The following STK33 variants were observed in gnomAD, a reference collection of about 807,000 sequenced individuals.
STK33 encodes serine/threonine kinase 33.
STK33 carries 52 observed loss-of-function variants against 58.0 expected under a neutral mutation model. The ratio of observed to expected loss-of-function variants is 0.90; its 90% CI spans 0.72 to 1.13. The LOEUF is 1.13. STK33 is among the 50% of genes most tolerant of loss of function. The pLI is 0.00. For missense variants in STK33, 630 were observed against 604.2 expected, an observed-to-expected ratio of 1.04 and a Z score of -0.45; for synonymous variants, 215 against 200.1, an observed-to-expected ratio of 1.07 and a Z score of -0.63.
chr11:8,357,676 C>T, the STK33 span, among the ~76,000 whole-genome samples: 1 of 152,126 alleles, frequency 6.6e-6, no homozygotes, highest in African/African-American at 2.4e-5. Flanking sequence ...CCCTCACACC[C>T]CTCCCCACTA....
chr11:8,412,701 C>T (rs1199217149), intron 15 of STK33, among the ~76,000 whole-genome samples: 1 of 152,164 alleles, frequency 6.6e-6, no homozygotes, highest in Non-Finnish European at 1.5e-5. Context: ...TCCCTGCTGG[C>T]AGGATGCTCA....
chr11:8,478,764 A>T (rs1417603254), intron 2 of STK33, among the ~76,000 whole-genome samples: 1 of 151,930 alleles, frequency 6.6e-6, no homozygotes, highest in Non-Finnish European at 1.5e-5. Flanking sequence ...AAAAAAACTT[A>T]CGAATTGTCT....
At chr11:8,435,380 C>T (rs1943939006) in intron 14 of STK33, 114 bp downstream of exon 14, 1 of 526,020 alleles carries the variant, frequency 1.9e-6, no homozygotes, top group Non-Finnish European at 3.0e-6. Context: ...TTTAATTTGA[C>T]AGAAAATCAA....
chr11:8,468,553 T>C (rs1284534803), intron 6 of STK33, among the ~76,000 whole-genome samples: 2 of 152,240 alleles, frequency 1.3e-5, no homozygotes, highest in African/African-American at 2.4e-5. Context: ...CATGTATGCA[T>C]TGGTCCTCAA....
chr11:8,442,652 C>T (rs1019358548), intron 11 of STK33, among the ~76,000 whole-genome samples: 6 of 152,178 alleles, frequency 3.9e-5, no homozygotes, highest in African/African-American at 1.4e-4. Context: ...TAACTACAGA[C>T]CAGATGTCTT....
At chr11:8,441,202 A>C (rs1944696845) in intron 11 of STK33, among the ~76,000 whole-genome samples, 1 of 152,216 alleles carries the variant, frequency 6.6e-6, no homozygotes, top group Non-Finnish European at 1.5e-5. Flanking sequence ...TAAAATAATA[A>C]TAGCATCACT....
rs748009822 is a variant in STK33 at position 8,461,879 on chromosome 11, G to A, written c.484C>T (p.Arg162Ter). The A allele has an allele frequency of 1.2e-5, 19 of 1,598,040 alleles. No individual in the cohort carries two copies. The highest frequency in any genetic ancestry group is 4.1e-5 in the African/African-American group (3 of 74,026). The change falls in exon 8 of 16, where the codon CGA becomes TGA. Residue 162 changes from arginine to a stop codon, truncating the protein, a stop_gained. Coordinates refer to ENST00000687296, the MANE Select transcript of STK33 (RefSeq NM_001352389.2). LOFTEE classifies it high-confidence loss of function. ...AGSSAVKLLE[R>*]EVNILKSVKH... Reference sequence around the variant, plus strand: ...ACACTTTTCAGAATGTTCACCTCTCGTTCAAGTAACTTCACAGCAGAGCTT... The same window carrying A: ...ACACTTTTCAGAATGTTCACCTCTCATTCAAGTAACTTCACAGCAGAGCTT...
chr11:8,574,813 A>T (rs951691942), intron 1 of STK33, among the ~76,000 whole-genome samples: 13 of 151,996 alleles, frequency 8.6e-5, no homozygotes, highest in African/African-American at 2.9e-4. Context: ...CCAGGCCAGG[A>T]GAATTGCCTG....
chr11:8,426,040 AC>A (rs200971810), intron 14 of STK33, among the ~76,000 whole-genome samples: 42 of 148,002 alleles, frequency 2.8e-4, no homozygotes, highest in South Asian at 6.5e-4. Context: ...GCTCAATTAG[AC>A]CCCCTGCCTC....
intron 1 of STK33, among the ~76,000 whole-genome samples, chr11:8,510,811 A>G (rs1194604491): frequency 6.6e-6 from 1 of 152,070 alleles, no homozygotes; most frequent in Non-Finnish European, 1.5e-5. Context: ...TCAGTTGGCT[A>G]TAAGTGTTTG....
chr11:8,489,071 C>A (rs1244803371), intron 1 of STK33, among the ~76,000 whole-genome samples: 2 of 151,868 alleles, frequency 1.3e-5, no homozygotes, highest in African/African-American at 2.4e-5. Flanking sequence ...CCAGCCTTGG[C>A]AACAGAGCTA....
chr11:8,342,566 A>G, the STK33 span, among the ~76,000 whole-genome samples: 1 of 152,184 alleles, frequency 6.6e-6, no homozygotes, highest in African/African-American at 2.4e-5. Context: ...ATTTTTCTTT[A>G]TTTTCATGCC....
intron 14 of STK33, among the ~76,000 whole-genome samples, chr11:8,418,586 C>T (rs190113890): frequency 3.3e-5 from 5 of 152,240 alleles, no homozygotes; most frequent in Non-Finnish European, 7.4e-5. Context: ...GATTTATATT[C>T]CTCTGGGTAT....
intron 1 of STK33, among the ~76,000 whole-genome samples, chr11:8,557,303 A>AGAAGAGGAGG (rs1956829666): frequency 9.2e-6 from 1 of 108,686 alleles, no homozygotes; most frequent in African/African-American, 3.8e-5. Flanking sequence ...AGAAGAGGAG[A>AGAAGAGGAGG]GGGAGGAGGA....
chr11:8,423,333 A>G (rs1179111125), intron 14 of STK33, among the ~76,000 whole-genome samples: 5 of 152,048 alleles, frequency 3.3e-5, no homozygotes, highest in African/African-American at 1.2e-4. Flanking sequence ...ATTTTTAGAT[A>G]TCATTAATTT....
At chr11:8,546,633 T>C (rs1215365266) in intron 1 of STK33, among the ~76,000 whole-genome samples, 1 of 135,980 alleles carries the variant, frequency 7.4e-6, no homozygotes, top group African/African-American at 2.7e-5. Flanking sequence ...ATCAGTCTAC[T>C]CTCTACTTCC....
the STK33 span, among the ~76,000 whole-genome samples, chr11:8,351,190 CT>C: frequency 6.6e-6 from 1 of 152,138 alleles, no homozygotes; most frequent in African/African-American, 2.4e-5. Flanking sequence ...TTCCCTAGTC[CT>C]GACAATTCTA....
At chr11:8,485,821 C>G (rs1950157964) in intron 1 of STK33, among the ~76,000 whole-genome samples, 1 of 152,174 alleles carries the variant, frequency 6.6e-6, no homozygotes, top group South Asian at 2.1e-4. Context: ...ACACTACTTT[C>G]TCGTCAGTAA....
chr11:8,553,444 A>G (rs957727533), intron 1 of STK33, among the ~76,000 whole-genome samples: 6 of 151,714 alleles, frequency 4.0e-5, no homozygotes, highest in South Asian at 4.2e-4. Context: ...AACACCTACA[A>G]TGTTGCTAGG....
Sources: allele counts gnomAD v4.1 joint callset (sites outside exome capture counted in the v4.1 genomes callset), GRCh38; gene constraint gnomAD v4.1.1; transcripts MANE v1.5; gene names NCBI Gene and HGNC (gene_info 2026-07-23, HGNC 2026-07-21).